The following AFAP1 variants were observed in gnomAD, a reference collection of about 807,000 sequenced individuals.
AFAP1 encodes actin filament associated protein 1.
AFAP1 carries 75 observed loss-of-function variants against 93.9 expected under a neutral mutation model. The observed-to-expected ratio is 0.80, with a 90% CI of 0.66 to 0.97. The LOEUF is 0.97. Among genes scored for constraint, AFAP1 ranks in the 50% least tolerant of loss-of-function variants. The pLI is 0.00. For missense variants in AFAP1, 1,201 were observed against 1,050.8 expected, an observed-to-expected ratio of 1.14 and a Z score of -1.98; for synonymous variants, 517 against 430.7, an observed-to-expected ratio of 1.20 and a Z score of -2.48.
In AFAP1 at chr4:7,800,592, G is replaced by A. The variant is rs1266129670; in HGVS notation, c.1116C>T (p.Asn372=). The A allele has an allele frequency of 6.8e-6, 11 of 1,614,186 alleles. No homozygotes were observed. The highest frequency in any genetic ancestry group is 8.5e-6 in the Non-Finnish European group (10 of 1,180,016). ...WRERWCRVKD[N]KLIFHKDRTD... ...TCCTGTCCTTGTGGAAAATGAGCTT[G>A]TTATCTTTCACTCGGCACCAGCGCT... The change falls in exon 10 of 18, where the codon AAC becomes AAT. Residue 372 remains asparagine, a synonymous_variant. Coordinates refer to ENST00000420658, the MANE Select transcript of AFAP1 (RefSeq NM_001134647.2).
rs1716752270 is a variant in AFAP1, at chr4:7,781,376, C to T, written c.1782G>A (p.Gln594=). Residue 594 remains glutamine, a splice_region_variant and synonymous_variant, in exon 13 of 18, where the codon CAG becomes CAA. Transcript: ENST00000420658. ...VGRASLGLNS[Q]LKGKKPPVAS... is the part of the protein sequence containing the mutation. ...AATCTTACAGAAGAAGATGCCGTAC[C>T]TGCGAGTTGAGCCCGAGAGACGCCC... 2 of 1,551,290 alleles carry T rather than the reference C, an allele frequency of 1.3e-6. No homozygotes were observed. Among genetic ancestry groups the T allele is most frequent in the South Asian group, 2.4e-5 (2 of 84,030 alleles).
At chr4:7,844,803 C>T (rs578253656) in intron 4 of AFAP1, among the ~76,000 whole-genome samples, 3 of 152,350 alleles carry the variant, frequency 2.0e-5, no homozygotes, top group African/African-American at 7.2e-5. Context: ...GATAAGCTCC[C>T]TGAGACAGGA....
intron 8 of AFAP1, among the ~76,000 whole-genome samples, chr4:7,813,977 G>C (rs1045068379): frequency 3.3e-5 from 5 of 152,146 alleles, no homozygotes; most frequent in African/African-American, 9.7e-5. Context: ...CAAGGTCACA[G>C]GTTCAATGAG....
intron 2 of AFAP1, among the ~76,000 whole-genome samples, chr4:7,871,031 G>C (rs1716983944): frequency 6.6e-6 from 1 of 152,078 alleles, no homozygotes; most frequent in South Asian, 2.1e-4. Flanking sequence ...CATCATCCAG[G>C]AACTGCCCCT....
chr4:7,914,312 C>G (rs1392601573), intron 1 of AFAP1, among the ~76,000 whole-genome samples: 1 of 152,176 alleles, frequency 6.6e-6, no homozygotes, highest in Non-Finnish European at 1.5e-5. Flanking sequence ...ACCTCGGCCT[C>G]CCACAGTGCT....
chr4:7,810,299 T>C (rs1344239585), intron 8 of AFAP1, among the ~76,000 whole-genome samples: 1 of 152,206 alleles, frequency 6.6e-6, no homozygotes, highest in East Asian at 1.9e-4. Context: ...TAGGGTTATG[T>C]GGAAGAGCAG....
chr4:7,875,549 T>C (rs926836881), intron 1 of AFAP1, among the ~76,000 whole-genome samples: 1 of 150,900 alleles, frequency 6.6e-6, no homozygotes, highest in Admixed American at 6.6e-5. Context: ...AGCCCAGGAG[T>C]TCGAGGCTGC....
At chr4:7,840,604 G>A (rs1051429237) in intron 5 of AFAP1, among the ~76,000 whole-genome samples, 5 of 152,114 alleles carry the variant, frequency 3.3e-5, no homozygotes, top group African/African-American at 7.2e-5. Flanking sequence ...GAGCCACAGC[G>A]CCCAGCCTTC....
intron 4 of AFAP1, chr4:7,843,887 C>G (rs908807231): frequency 6.2e-6 from 1 of 162,456 alleles, no homozygotes; most frequent in African/African-American, 2.4e-5. Context: ...AAATGTACAC[C>G]TGTCCTTCTA....
At chr4:7,768,433 G>C (rs1271452550) in intron 17 of AFAP1, among the ~76,000 whole-genome samples, 1 of 152,176 alleles carries the variant, frequency 6.6e-6, no homozygotes, top group Non-Finnish European at 1.5e-5. Context: ...GGGGCTGGGG[G>C]AAAGCTTATT....
At chr4:7,866,505 TCTAA>T (rs1348840459) in intron 3 of AFAP1, among the ~76,000 whole-genome samples, 3 of 152,330 alleles carry the variant, frequency 2.0e-5, no homozygotes, top group African/African-American at 7.2e-5. Context: ...CCCAGCTGCT[TCTAA>T]CTGTTCTCAG....
intron 14 of AFAP1, chr4:7,778,448 T>C: frequency 2.3e-6 from 1 of 432,888 alleles, no homozygotes; most frequent in Non-Finnish European, 4.3e-6. Flanking sequence ...GGAGCTGAGG[T>C]CTCCTGACCT....
At chr4:7,889,109 A>C (rs1049702923) in intron 1 of AFAP1, among the ~76,000 whole-genome samples, 8 of 152,156 alleles carry the variant, frequency 5.3e-5, no homozygotes, top group Admixed American at 4.6e-4. Context: ...AATTTTTAGC[A>C]AATTAAATTA....
chr4:7,866,126 ACCTCAGGTGATCCAC>A (rs1716371019), intron 3 of AFAP1, among the ~76,000 whole-genome samples: 1 of 151,830 alleles, frequency 6.6e-6, no homozygotes, highest in South Asian at 2.1e-4. Context: ...CAAACTCCTG[ACCTCAGGTGATCCAC>A]CCACCTCGGC....
intron 6 of AFAP1, among the ~76,000 whole-genome samples, chr4:7,819,789 G>C (rs1328740227): frequency 1.3e-5 from 2 of 152,218 alleles, no homozygotes; most frequent in Non-Finnish European, 2.9e-5. Flanking sequence ...ATTTCAAGGA[G>C]AGGAGGGACT....
intron 14 of AFAP1, chr4:7,776,806 G>C (rs963400765): frequency 1.3e-5 from 2 of 152,116 alleles, no homozygotes; most frequent in African/African-American, 4.8e-5. Context: ...TGGCAAACAG[G>C]GCCAAGTCCA....
At position 7,939,694 on chromosome 4, in the gene AFAP1, G is replaced by C. The variant is rs1247929917; in HGVS notation, c.-41C>G. On this transcript the variant is annotated 5_prime_UTR_variant, in exon 1 of 18. Transcript: ENST00000420658. The surrounding 1 kb of genome is among the most constrained non-coding windows in gnomAD (Gnocchi z 5.6). Reference sequence around the variant, plus strand: ...CTCGCAGCGCTCGCTCCTCGCCGCGGCGCCTGGGCCGACTGGAGCGCAGCT... The same window carrying C: ...CTCGCAGCGCTCGCTCCTCGCCGCGCCGCCTGGGCCGACTGGAGCGCAGCT... The C allele has an allele frequency of 4.8e-6, 2 of 416,278 alleles. No individual in the cohort carries two copies. Among genetic ancestry groups the C allele is most frequent in the Non-Finnish European group, 9.5e-6 (2 of 210,346 alleles). 25.8% of individuals were successfully genotyped at this position (416,278 alleles called of 1,614,324 possible). A position where few individuals can be genotyped will look rare whatever the true frequency, so the allele number is the denominator to read the frequency against.
chr4:7,924,697 C>G (rs905303403), intron 1 of AFAP1, among the ~76,000 whole-genome samples: 19 of 152,116 alleles, frequency 1.2e-4, no homozygotes, highest in Non-Finnish European at 4.4e-5. Context: ...AGACAGAACT[C>G]AGACCACAAC....
Position 7,772,980 on chromosome 4 carries a change from T to C in AFAP1, c.2093A>G (p.Lys698Arg), listed in dbSNP as rs139795223. 36 of 1,612,098 alleles carry C rather than the reference T, an allele frequency of 2.2e-5. No homozygotes were observed. Among genetic ancestry groups the C allele is most frequent in the African/African-American group, 1.6e-4 (12 of 74,918 alleles). ...GRKPQAILEE[K>R]LKQLEEECRQ... ...GCACTCCTCCTCCAGCTGCTTCAGC[T>C]TCTCCTCCAGGATCGCCTGCGGCTT... Residue 698 changes from lysine (K) to arginine (R), a missense_variant, in exon 16 of 18, where the codon AAG becomes AGG. By Grantham distance (26) the Lys-to-Arg change is conservative. Transcript: ENST00000420658.
Sources: allele counts gnomAD v4.1 joint callset (sites outside exome capture counted in the v4.1 genomes callset), GRCh38; gene constraint gnomAD v4.1.1; non-coding constraint Gnocchi (gnomAD v3.1); transcripts MANE v1.5; gene names NCBI Gene and HGNC (gene_info 2026-07-23, HGNC 2026-07-21).